Variants in GRID2 observed in about 807,000 individuals in gnomAD.
GRID2 encodes the protein glutamate ionotropic receptor delta type subunit 2.
In GRID2, 33 loss-of-function variants were observed where a neutral mutation model predicts 114.8. That is an observed-to-expected ratio of 0.29 (90% CI 0.22 to 0.38). GRID2 has a LOEUF of 0.38. Among genes scored for constraint, GRID2 ranks in the 10% least tolerant of loss-of-function variants. The pLI is 1.00. For missense variants in GRID2, 1,184 were observed against 1,257.7 expected, an observed-to-expected ratio of 0.94 and a Z score of 0.89; for synonymous variants, 505 against 449.9, an observed-to-expected ratio of 1.12 and a Z score of -1.55.
intron 2 of GRID2, among the ~76,000 whole-genome samples, chr4:92,971,869 T>G (rs1389672048): frequency 6.6e-6 from 1 of 152,110 alleles, no homozygotes; most frequent in Non-Finnish European, 1.5e-5. Context: ...AATAATGGGA[T>G]TTCATTTTTT....
At chr4:92,550,348 A>C (rs1726520831) in intron 1 of GRID2, among the ~76,000 whole-genome samples, 1 of 152,200 alleles carries the variant, frequency 6.6e-6, no homozygotes, top group South Asian at 2.1e-4. Flanking sequence ...GTTGTAATAC[A>C]TATTTAGTTT....
intron 2 of GRID2, among the ~76,000 whole-genome samples, chr4:92,724,894 T>A (rs2149319951): frequency 6.6e-6 from 1 of 152,288 alleles, no homozygotes; most frequent in East Asian, 1.9e-4. Context: ...AGAACAAAGT[T>A]TTAAATTCCA....
At chr4:93,119,517 AATAG>A (rs1733587991) in intron 4 of GRID2, among the ~76,000 whole-genome samples, 1 of 152,192 alleles carries the variant, frequency 6.6e-6, no homozygotes, top group African/African-American at 2.4e-5. Context: ...TTTATACAGC[AATAG>A]ATATTGTCTC....
At chr4:92,848,689 G>A (rs772263379) in intron 2 of GRID2, among the ~76,000 whole-genome samples, 6 of 151,828 alleles carry the variant, frequency 4.0e-5, no homozygotes, top group Admixed American at 6.6e-5. Flanking sequence ...TAATGAAGCG[G>A]GCTACGGGGA....
At chr4:93,054,842 A>G (rs528476388) in intron 2 of GRID2, among the ~76,000 whole-genome samples, 11 of 151,818 alleles carry the variant, frequency 7.2e-5, no homozygotes, top group African/African-American at 2.7e-4. Flanking sequence ...AGAAAATAAC[A>G]AGTTTAAAAA....
At chr4:92,740,491 G>T (rs1199166601) in intron 2 of GRID2, among the ~76,000 whole-genome samples, 1 of 152,142 alleles carries the variant, frequency 6.6e-6, no homozygotes, top group East Asian at 1.9e-4. Flanking sequence ...TGCCACTTGA[G>T]TAACTGAGTA....
intron 2 of GRID2, among the ~76,000 whole-genome samples, chr4:92,790,678 A>C (rs1275209586): frequency 6.6e-6 from 1 of 151,604 alleles, no homozygotes; most frequent in East Asian, 1.9e-4. Flanking sequence ...TCAGCCTCTC[A>C]AAATGTTGGG....
chr4:92,380,878 C>G (rs934990756), intron 1 of GRID2, among the ~76,000 whole-genome samples: 5 of 151,892 alleles, frequency 3.3e-5, no homozygotes, highest in Admixed American at 6.6e-5. Context: ...GTAAATTTGA[C>G]TAATTAAATT....
chr4:92,633,574 G>A (rs1730917605), intron 2 of GRID2, among the ~76,000 whole-genome samples: 4 of 152,002 alleles, frequency 2.6e-5, no homozygotes, highest in African/African-American at 4.8e-5. Context: ...CACTATTCTT[G>A]AGTCAATCAT....
chr4:92,781,556 G>A (rs938036520), intron 2 of GRID2, among the ~76,000 whole-genome samples: 8 of 151,976 alleles, frequency 5.3e-5, no homozygotes, highest in Non-Finnish European at 1.2e-4. Flanking sequence ...GAGATGGTTG[G>A]AAATTCCGTG....
chr4:92,917,115 G>C (rs573958138), intron 2 of GRID2, among the ~76,000 whole-genome samples: 5 of 152,270 alleles, frequency 3.3e-5, no homozygotes, highest in African/African-American at 1.2e-4. Flanking sequence ...GACCAGTGAT[G>C]ATGAGCATTT....
At chr4:92,696,044 G>A (rs908213465) in intron 2 of GRID2, among the ~76,000 whole-genome samples, 3 of 152,046 alleles carry the variant, frequency 2.0e-5, no homozygotes, top group Non-Finnish European at 4.4e-5. Flanking sequence ...TTTGTTATTA[G>A]TTCTAAGACT....
At chr4:92,415,842 C>T (rs1481691276) in intron 1 of GRID2, among the ~76,000 whole-genome samples, 1 of 145,080 alleles carries the variant, frequency 6.9e-6, no homozygotes, top group African/African-American at 2.5e-5. Flanking sequence ...TCTTTGCAAT[C>T]GTGAATTGTG....
intron 11 of GRID2, among the ~76,000 whole-genome samples, chr4:93,486,668 T>TG (rs1726437756): frequency 6.6e-6 from 1 of 151,726 alleles, no homozygotes. Flanking sequence ...GATTGATTTT[T>TG]GAATGCCAAA....
chr4:92,667,352 A>G (rs1046326873), intron 2 of GRID2, among the ~76,000 whole-genome samples: 32 of 151,824 alleles, frequency 2.1e-4, no homozygotes, highest in African/African-American at 7.7e-4. Context: ...ACTGGGTAAA[A>G]GTAGAAGTGG....
intron 1 of GRID2, among the ~76,000 whole-genome samples, chr4:93,785,784 C>T (rs72659535): frequency 0.018 from 2,783 of 152,086 alleles, 36 homozygotes; most frequent in Non-Finnish European, 0.027. Flanking sequence ...GTCAGAAACT[C>T]GTGTGGCAAT....
intron 12 of GRID2, among the ~76,000 whole-genome samples, chr4:93,494,272 C>A (rs577467089): frequency 9.9e-5 from 15 of 151,900 alleles, no homozygotes; most frequent in Admixed American, 4.6e-4. Flanking sequence ...GTGCCATTGG[C>A]AAACACATGC....
chr4:93,022,678 A>T (rs1410037410), intron 2 of GRID2, among the ~76,000 whole-genome samples: 1 of 151,966 alleles, frequency 6.6e-6, no homozygotes, highest in East Asian at 1.9e-4. Context: ...AGATTTTAAA[A>T]TTTTAATTTG....
At chr4:92,929,628 T>C (rs1418100177) in intron 2 of GRID2, among the ~76,000 whole-genome samples, 1 of 151,372 alleles carries the variant, frequency 6.6e-6, no homozygotes, top group African/African-American at 2.4e-5. Context: ...ATTTATTTGA[T>C]AAAGTCTTCT....
Sources: gnomAD v4.1 joint callset for allele counts (sites outside exome capture counted in the v4.1 genomes callset) on GRCh38, gnomAD v4.1.1 for gene constraint, MANE v1.5 for transcripts, NCBI Gene and HGNC (gene_info 2026-07-23, HGNC 2026-07-21) for gene names.